Variants in TECPR1 observed in about 807,000 individuals in gnomAD.
The protein encoded by TECPR1 is tectonin beta-propeller repeat containing 1, also known as tectonin beta-propeller repeat-containing protein 1.
In TECPR1, 122 loss-of-function variants were observed where a neutral mutation model predicts 162.4. That is an observed-to-expected ratio of 0.75 (90% CI 0.65 to 0.87). The LOEUF (loss-of-function observed/expected upper bound fraction) is 0.87. TECPR1 is among the 40% of genes least tolerant of loss of function. The pLI is 0.00. For synonymous variants in TECPR1, 642 were observed against 670.6 expected (o/e 0.96, Z 0.66); for missense variants, 1,432 against 1,618.2 (o/e 0.88, Z 1.97).
rs1026866166 is a variant in TECPR1 at position 98,232,488 on chromosome 7, G to A, written c.1818+339C>T. ...CTGTGCTAACTCCTTGCAATCACAC[G>A]CTACACCCCTGGGCGCCCGGGGTTC... On this transcript the variant is annotated intron_variant, in intron 12 of 25. Transcript: ENST00000447648. This position sits in a 1 kb window ranked among gnomAD's most constrained non-coding sequence, Gnocchi z 4.6. Among the ~76,000 whole-genome samples the A allele has an allele frequency of 6.6e-5, 10 of 151,666 alleles. No homozygotes were observed. The highest frequency in any genetic ancestry group is 2.1e-4 in the South Asian group (1 of 4,810).
rs1315334805 is a variant in TECPR1 at position 98,228,172 on chromosome 7, T to C, written c.2411-56A>G. On this transcript the variant is annotated intron_variant, in intron 16 of 25. Coordinates refer to ENST00000447648, the MANE Select transcript of TECPR1 (RefSeq NM_015395.3). ...GCCACATACGCTCCGCTTGGGACTC[T>C]GGCTTTCCGTCTGAAGCACAGATTC... The C allele has an allele frequency of 3.7e-6, 5 of 1,357,998 alleles. No homozygotes were observed. The East Asian group carries it at 1.2e-4, about 33-fold the overall frequency. The allele number at this position is 1,357,998 out of a possible 1,614,324, so 84.1% of individuals were successfully genotyped here.
intron 17 of TECPR1, among the ~76,000 whole-genome samples, chr7:98,227,042 T>C (rs1424951230): frequency 6.6e-6 from 1 of 152,162 alleles, no homozygotes; most frequent in East Asian, 1.9e-4. Flanking sequence ...ATATGCCACT[T>C]ATAATACTGT....
Position 98,232,791 on chromosome 7 carries a change from A to T in TECPR1, c.1818+36T>A, listed in dbSNP as rs1190411039. On this transcript the variant is annotated intron_variant, in intron 12 of 25. Coordinates refer to ENST00000447648, the MANE Select transcript of TECPR1 (RefSeq NM_015395.3). This position sits in a 1 kb window ranked among gnomAD's most constrained non-coding sequence, Gnocchi z 4.6. Reference sequence around the variant, plus strand: ...GCTCAATGAATGATTGCTGGAAAAAAAAAAAAAATGCATGCGCAGCCACCG... The same window carrying T: ...GCTCAATGAATGATTGCTGGAAAAATAAAAAAAATGCATGCGCAGCCACCG... The T allele has an allele frequency of 2.0e-6, 3 of 1,507,346 alleles. No homozygotes were observed. The highest frequency in any genetic ancestry group is 4.7e-5 in the Admixed American group (2 of 42,788). 93.4% of individuals were successfully genotyped at this position (1,507,346 alleles called of 1,614,324 possible). A position where few individuals can be genotyped will look rare whatever the true frequency, so the allele number is the denominator to read the frequency against.
intron 11 of TECPR1, chr7:98,233,187 T>C (rs930115700): frequency 1.3e-6 from 1 of 781,602 alleles, no homozygotes; most frequent in Non-Finnish European, 1.9e-6. Flanking sequence ...GGGGAGGGGC[T>C]GCAGACAGGG....
At position 98,233,827 on chromosome 7, in the gene TECPR1, T is replaced by G. The variant is rs770845663; in HGVS notation, c.1266A>C (p.Arg422Ser). ...CAGGGAGAATCTGGCCAGGCCCTGG[T>G]CTCTCGACTTCCGAGGAGGCATCGG... ...SDTDASSEVE[R>S]PGPGQILPAE... is the part of the protein sequence containing the mutation. The change falls in exon 11 of 26, where the codon AGA (arginine) becomes AGC (serine). Residue 422 changes from arginine (R) to serine (S), a missense_variant. Physicochemically the swap from Arg to Ser is moderately radical, Grantham distance 110. Coordinates refer to ENST00000447648, the MANE Select transcript of TECPR1 (RefSeq NM_015395.3). 1.3e-6 allele frequency: 2 copies of G among 1,596,230 alleles called. No homozygotes were observed. Among genetic ancestry groups the G allele is most frequent in the Non-Finnish European group, 1.7e-6 (2 of 1,172,014 alleles).
chr7:98,234,444 G>A lies in TECPR1; in HGVS notation c.1182-533C>T, dbSNP rs149541303. On this transcript the variant is annotated intron_variant, in intron 10 of 25. Coordinates refer to ENST00000447648, the MANE Select transcript of TECPR1 (RefSeq NM_015395.3). ...GCTGGGATTACAGGCGTGAGCCACC[G>A]CGCCCGATCATAAACCTCTTTTCTT... is the stretch of plus-strand genomic sequence containing the variant. 9.9e-5 allele frequency among the ~76,000 whole-genome samples: 15 copies of A among 152,276 alleles called. No homozygotes were observed. In the East Asian group the frequency reaches 1.5e-3, roughly 16 times the overall value.
At chr7:98,228,192 A>G in intron 16 of TECPR1, 76 bp from the exon 17 acceptor site, 1 of 1,154,966 alleles carries the variant, frequency 8.7e-7, no homozygotes, top group Non-Finnish European at 1.3e-6. Flanking sequence ...TCTGAAGCAC[A>G]GATTCCCAGA....
At chr7:98,225,832 G>C (rs768489631) in intron 17 of TECPR1, among the ~76,000 whole-genome samples, 1 of 152,090 alleles carries the variant, frequency 6.6e-6, no homozygotes, top group Non-Finnish European at 1.5e-5. Context: ...TTATTTTTAA[G>C]TGTCCTGTAG....
At chr7:98,223,744 A>C (rs780886560) in intron 19 of TECPR1, 26 bp from the exon 20 acceptor site, 1 of 1,613,304 alleles carries the variant, frequency 6.2e-7, no homozygotes, top group South Asian at 1.1e-5. Flanking sequence ...AGATGAAATC[A>C]GGGCCACTTC....
At chr7:98,243,649 G>T in intron 5 of TECPR1, 57 bp from the exon 6 acceptor site, 2 of 1,571,108 alleles carry the variant, frequency 1.3e-6, no homozygotes, top group South Asian at 2.3e-5. Flanking sequence ...ACCTGGGCAT[G>T]CACCCACCTC....
rs560438972 is a variant in TECPR1 at position 98,223,406 on chromosome 7, C to T, written c.2748-236G>A. Among the ~76,000 whole-genome samples, 481 of 150,664 alleles carry T rather than the reference C, an allele frequency of 3.2e-3. 3 individuals carry two copies. Among genetic ancestry groups the T allele is most frequent in the African/African-American group, 0.011 (456 of 41,068 alleles). ...TGTCCCGCTCACAGGTGGAGTGTGC[C>T]AGTGACATTTCTCTTATTTGTTCAT... On this transcript the variant is annotated intron_variant, in intron 20 of 25. Coordinates refer to ENST00000447648, the MANE Select transcript of TECPR1 (RefSeq NM_015395.3).
At chr7:98,225,554 C>CG in intron 17 of TECPR1, among the ~76,000 whole-genome samples, 1 of 150,278 alleles carries the variant, frequency 6.7e-6, no homozygotes, top group Non-Finnish European at 1.5e-5. Context: ...AAAAAAAAGG[C>CG]GGGGGGAGGG....
At chr7:98,250,461 C>T (rs1300865844) in intron 2 of TECPR1, among the ~76,000 whole-genome samples, 2 of 151,642 alleles carry the variant, frequency 1.3e-5, no homozygotes, top group East Asian at 3.9e-4. Flanking sequence ...GACCCCATCT[C>T]TGTAAAAATA....
In TECPR1 at chr7:98,217,594, C is replaced by T. The variant is rs905133823; in HGVS notation, c.3385-91G>A. 60 of 1,532,392 alleles carry T rather than the reference C, an allele frequency of 3.9e-5. 1 individual carries two copies. The highest frequency in any genetic ancestry group is 2.7e-4 in the South Asian group (22 of 82,976). The allele number at this position is 1,532,392 out of a possible 1,614,324, so 94.9% of individuals were successfully genotyped here. A position where few individuals can be genotyped will look rare whatever the true frequency, so the allele number is the denominator to read the frequency against. On this transcript the variant is annotated intron_variant, in intron 25 of 25. Coordinates refer to ENST00000447648, the MANE Select transcript of TECPR1 (RefSeq NM_015395.3). The stretch of plus-strand genomic sequence containing the variant: ...GGGGGCCTCCCTGCAACCCAGACAC[C>T]GGGTCCCAGGGGACAGTCCCACAGT...
Position 98,231,009 on chromosome 7 carries a change from G to A in TECPR1, c.2234C>T (p.Pro745Leu), listed in dbSNP as rs779863584. The change falls in exon 15 of 26, where the codon CCC (proline) becomes CTC (leucine). Residue 745 changes from proline (P) to leucine (L), a missense_variant. Physicochemically the swap from Pro to Leu is moderately conservative, Grantham distance 98. Transcript: ENST00000447648. ...CTCGTGGGCCTCCAGGTCTGGGCTG[G>A]GCTCGCTCACGAAGATGTCCCCCTT... Reference protein sequence around the residue: ...TCKGDIFVSEPSPDLEAHEHP... With the variant: ...TCKGDIFVSELSPDLEAHEHP... The A allele has an allele frequency of 1.2e-6, 2 of 1,612,862 alleles. No individual in the cohort carries two copies. Among genetic ancestry groups the A allele is most frequent in the Non-Finnish European group, 1.7e-6 (2 of 1,179,636 alleles).
rs765578656 is a variant in TECPR1 at position 98,217,969 on chromosome 7, G to T, written c.3231C>A (p.Asn1077Lys). The T allele has an allele frequency of 1.9e-6, 3 of 1,562,108 alleles. No individual in the cohort carries two copies. The highest frequency in any genetic ancestry group is 2.6e-6 in the Non-Finnish European group (3 of 1,153,634). Residue 1077 changes from asparagine to lysine, a missense_variant, in exon 24 of 26, where the codon AAC becomes AAA. Coordinates refer to ENST00000447648, the MANE Select transcript of TECPR1 (RefSeq NM_015395.3). ...QGSSWEHVSN[N>K]VCRVSVGPLD... ...GGGGCCCCACGGACACTCGGCACAC[G>T]TTGTTGGACACGTGCTCCCAGCTGG...
rs747678106 is a variant in TECPR1 at position 98,228,119 on chromosome 7, G to A, written c.2411-3C>T. ...GTTACTGGTGCTGCTGGCCAGGCCT[G>A]TGGGGAGAGGTGGCTGCTGGGACCG... On this transcript the variant is annotated splice_region_variant and splice_polypyrimidine_tract_variant and intron_variant, in intron 16 of 25. Transcript: ENST00000447648. 10 of 1,606,244 alleles carry A rather than the reference G, an allele frequency of 6.2e-6. No homozygotes were observed. The South Asian group carries it at 7.8e-5, about 13-fold the overall frequency.
At chr7:98,236,626 T>C (rs965830912) in intron 10 of TECPR1, 150 bp downstream of exon 10, 1 of 1,067,420 alleles carries the variant, frequency 9.4e-7, no homozygotes, top group Non-Finnish European at 1.3e-6. Context: ...TCGGCTCTTG[T>C]GGCTTTTGTG....
chr7:98,232,089 G>T lies in TECPR1; in HGVS notation c.1819-130C>A. ...GCCCACCCAGCACTCCCGGCTGTCA[G>T]CCCAGCTCCCCCTATGCTAATGATA... On this transcript the variant is annotated intron_variant, in intron 12 of 25. Coordinates refer to ENST00000447648, the MANE Select transcript of TECPR1 (RefSeq NM_015395.3). This position sits in a 1 kb window ranked among gnomAD's most constrained non-coding sequence, Gnocchi z 4.6. The T allele has an allele frequency of 1.1e-6, 1 of 941,210 alleles. No homozygotes were observed. The highest frequency in any genetic ancestry group is 1.6e-6 in the Non-Finnish European group (1 of 632,002). 58.3% of individuals were successfully genotyped at this position (941,210 alleles called of 1,614,324 possible).
Sources: allele counts gnomAD v4.1 joint callset (sites outside exome capture counted in the v4.1 genomes callset), GRCh38; gene constraint gnomAD v4.1.1; non-coding constraint Gnocchi (gnomAD v3.1); transcripts MANE v1.5; gene names NCBI Gene and HGNC (gene_info 2026-07-23, HGNC 2026-07-21).